Variants in TMEM131 observed in about 807,000 individuals in gnomAD.
The protein encoded by TMEM131 is 2610524E03Rik.
A neutral mutation model predicts 211.6 loss-of-function variants in TMEM131; 66 were observed. The observed-to-expected ratio is 0.31, with a 90% CI of 0.26 to 0.38. The LOEUF is 0.38. Among genes scored for constraint, TMEM131 ranks in the 10% least tolerant of loss-of-function variants. The probability of loss-of-function intolerance (pLI) is 1.00; values close to 1 mark genes in which losing one functional copy is unlikely to be tolerated. For missense variants in TMEM131, 2,036 were observed against 2,299.3 expected (o/e 0.89, Z 2.34); for synonymous variants, 844 against 841.3 (o/e 1.00, Z -0.06).
At chr2:97,922,807 T>C (rs1391090901) in intron 2 of TMEM131, among the ~76,000 whole-genome samples, 1 of 152,202 alleles carries the variant, frequency 6.6e-6, no homozygotes, top group African/African-American at 2.4e-5. Flanking sequence ...TGTTTTTAGT[T>C]TTTAATCTGG....
intron 4 of TMEM131, among the ~76,000 whole-genome samples, chr2:97,885,649 G>A (rs933077441): frequency 1.1e-4 from 17 of 151,862 alleles, no homozygotes; most frequent in Non-Finnish European, 1.8e-4. Context: ...TCTGCTGTTA[G>A]TTTAATGGGA....
At chr2:97,868,186 G>A (rs185082302) in intron 4 of TMEM131, among the ~76,000 whole-genome samples, 125 of 152,164 alleles carry the variant, frequency 8.2e-4, no homozygotes, top group African/African-American at 2.9e-3. Flanking sequence ...CCCAGTAATA[G>A]TGCTTGTTCT....
intron 22 of TMEM131, among the ~76,000 whole-genome samples, chr2:97,804,096 G>T (rs575919941): frequency 2.8e-4 from 43 of 152,128 alleles, no homozygotes; most frequent in Admixed American, 2.8e-3. Context: ...CTCTTAAATG[G>T]GAATATCCTG....
intron 1 of TMEM131, among the ~76,000 whole-genome samples, chr2:97,930,434 A>G (rs982358810): frequency 2.0e-5 from 3 of 151,882 alleles, no homozygotes; most frequent in Admixed American, 6.6e-5. Flanking sequence ...TTATGAATTC[A>G]TATTTTAAAA....
At chr2:97,971,509 T>C (rs1679293841) in intron 1 of TMEM131, among the ~76,000 whole-genome samples, 3 of 152,212 alleles carry the variant, frequency 2.0e-5, no homozygotes, top group African/African-American at 7.2e-5. Flanking sequence ...CCAAATGCAA[T>C]GGGCTGAGAA....
chr2:97,845,426 A>G (rs563351939), intron 5 of TMEM131, among the ~76,000 whole-genome samples: 1 of 152,334 alleles, frequency 6.6e-6, no homozygotes, highest in Admixed American at 6.5e-5. Flanking sequence ...AATTAGCAAC[A>G]GAAAGATACC....
chr2:97,947,241 C>T lies in TMEM131; in HGVS notation c.188-19754G>A, dbSNP rs565199914. 6.0e-5 allele frequency among the ~76,000 whole-genome samples: 9 copies of T among 151,064 alleles called. No homozygotes were observed. The East Asian group carries it at 7.8e-4, about 13-fold the overall frequency. On this transcript the variant is annotated intron_variant, in intron 1 of 40. Coordinates refer to ENST00000186436, the MANE Select transcript of TMEM131 (RefSeq NM_015348.2). The stretch of plus-strand genomic sequence containing the variant: ...GAGGGCAATCTTCGTGCCAATAAAA[C>T]GCAAAGAAAAAAAAAGTATGTAGAC...
chr2:97,768,180 A>G (rs962118044), intron 33 of TMEM131, among the ~76,000 whole-genome samples: 5 of 152,252 alleles, frequency 3.3e-5, no homozygotes, highest in African/African-American at 1.2e-4. Context: ...CGTTAGCCCA[A>G]ATAACTAGAA....
intron 31 of TMEM131, among the ~76,000 whole-genome samples, chr2:97,788,396 A>G (rs1680348822): frequency 6.6e-6 from 1 of 152,174 alleles, no homozygotes; most frequent in African/African-American, 2.4e-5. Flanking sequence ...CACTTCCCCC[A>G]GCAGTCTCAG....
rs1680768991 is a variant in TMEM131 at position 97,796,466 on chromosome 2, G to C, written c.3014-62C>G. 6 of 1,016,230 alleles carry C rather than the reference G, an allele frequency of 5.9e-6. No individual in the cohort carries two copies. In the East Asian group the frequency reaches 1.7e-4, roughly 28 times the overall value. 63.0% of individuals were successfully genotyped at this position (1,016,230 alleles called of 1,614,324 possible). ...GCCATCATGTGCTCCCAGTCCAAAT[G>C]ATAAATACATTATTCATGAATTACT... On this transcript the variant is annotated intron_variant, in intron 27 of 40. Coordinates refer to ENST00000186436, the MANE Select transcript of TMEM131 (RefSeq NM_015348.2).
At chr2:97,908,616 A>C in intron 3 of TMEM131, 42 bp downstream of exon 3, 4 of 1,491,386 alleles carry the variant, frequency 2.7e-6, no homozygotes, top group Non-Finnish European at 3.7e-6. Flanking sequence ...ATCCCCCAGA[A>C]GGAACCGAAA....
intron 12 of TMEM131, among the ~76,000 whole-genome samples, chr2:97,816,744 A>G (rs537671961): frequency 2.6e-5 from 4 of 152,350 alleles, no homozygotes; most frequent in South Asian, 4.1e-4. Context: ...ATTTCATGAC[A>G]TTGTATCATA....
chr2:97,796,883 A>G lies in TMEM131; in HGVS notation c.2974T>C (p.Phe992Leu), dbSNP rs781246050. Residue 992 changes from phenylalanine (F) to leucine (L), a missense_variant, in exon 27 of 41, where the codon TTT becomes CTT. This residue lies in a region of TMEM131 where 1,623 missense variants were observed against 1,805.9 expected (regional missense o/e 0.90). Transcript: ENST00000186436. ...TTTAACAATGCTTCCGTGATTTTAA[A>G]GCGTAAGGAGCTTCCTGGACCTGGA... is the stretch of plus-strand genomic sequence containing the variant. ...KLPGPGSSLR[F>L]KITEALLKDC... 6.2e-7 allele frequency: 1 copy of G among 1,613,986 alleles called. No individual in the cohort carries two copies. The highest frequency in any genetic ancestry group is 1.1e-5 in the South Asian group (1 of 91,082).
At chr2:97,884,066 A>AATATATAATT in intron 4 of TMEM131, among the ~76,000 whole-genome samples, 1 of 151,994 alleles carries the variant, frequency 6.6e-6, no homozygotes, top group African/African-American at 2.4e-5. Flanking sequence ...TTGTTATATA[A>AATATATAATT]ATTTGCCTCT....
chr2:97,991,724 T>C (rs975793010), intron 1 of TMEM131, among the ~76,000 whole-genome samples: 1 of 152,158 alleles, frequency 6.6e-6, no homozygotes, highest in East Asian at 1.9e-4. Context: ...AAAGGGCCTC[T>C]TGGTCTGGCA....
chr2:97,860,066 T>G (rs1674003951), intron 4 of TMEM131, among the ~76,000 whole-genome samples: 2 of 152,228 alleles, frequency 1.3e-5, no homozygotes. Context: ...TCCCTTGGCA[T>G]CCATGCCATG....
chr2:97,785,277 A>G (rs1429525685), intron 31 of TMEM131, among the ~76,000 whole-genome samples: 2 of 152,226 alleles, frequency 1.3e-5, no homozygotes, highest in African/African-American at 2.4e-5. Context: ...CTGACAAAGT[A>G]CTAGTATTTA....
At chr2:97,935,351 T>C (rs548946205) in intron 1 of TMEM131, among the ~76,000 whole-genome samples, 9 of 152,170 alleles carry the variant, frequency 5.9e-5, no homozygotes, top group Non-Finnish European at 1.3e-4. Context: ...AGGAACCAGG[T>C]ACAGGCTACA....
chr2:97,790,907 A>G (rs529854428), intron 31 of TMEM131, among the ~76,000 whole-genome samples: 4 of 152,344 alleles, frequency 2.6e-5, no homozygotes, highest in African/African-American at 9.6e-5. Context: ...CAATAGAGCT[A>G]GTTTTTGTAT....
Sources: gnomAD v4.1 joint callset for allele counts (sites outside exome capture counted in the v4.1 genomes callset) on GRCh38, gnomAD v4.1.1 for gene constraint, gnomAD v4.1.1 regional missense constraint, MANE v1.5 for transcripts, NCBI Gene and HGNC (gene_info 2026-07-23, HGNC 2026-07-21) for gene names.